DPP4: variants seen among roughly 807,000 people sequenced by gnomAD.
DPP4 encodes the protein ADCP-2.
In DPP4, 93 loss-of-function variants were observed where a neutral mutation model predicts 122.4. That is an observed-to-expected ratio of 0.76 (90% CI 0.64 to 0.90). The LOEUF (loss-of-function observed/expected upper bound fraction) is 0.90. Among genes scored for constraint, DPP4 ranks in the 40% least tolerant of loss-of-function variants. The pLI is 0.00. For synonymous variants in DPP4, 321 were observed against 302.9 expected, an observed-to-expected ratio of 1.06 and a Z score of -0.62; for missense variants, 914 against 907.3, an observed-to-expected ratio of 1.01 and a Z score of -0.09.
intron 18 of DPP4, among the ~76,000 whole-genome samples, chr2:162,016,021 C>T (rs1682908791): frequency 6.6e-6 from 1 of 152,124 alleles, no homozygotes; most frequent in African/African-American, 2.4e-5. Context: ...TTGAGTAGCA[C>T]TGATGTAAAC....
At chr2:162,029,516 C>T (rs762392593) in intron 10 of DPP4, among the ~76,000 whole-genome samples, 2 of 152,196 alleles carry the variant, frequency 1.3e-5, no homozygotes, top group Non-Finnish European at 1.5e-5. Flanking sequence ...CTGCAGCACC[C>T]GTACACCCGC....
chr2:162,006,017 T>C (rs1701275548), intron 22 of DPP4, among the ~76,000 whole-genome samples: 1 of 152,168 alleles, frequency 6.6e-6, no homozygotes, highest in African/African-American at 2.4e-5. Flanking sequence ...GGTTTGCTAA[T>C]ATAGCCAGAG....
At chr2:162,068,142 C>T (rs1685009085) in intron 2 of DPP4, among the ~76,000 whole-genome samples, 1 of 152,158 alleles carries the variant, frequency 6.6e-6, no homozygotes. Flanking sequence ...CGAAACCATT[C>T]AAAAGCTTGA....
intron 1 of DPP4, 96 bp downstream of exon 1, chr2:162,073,880 C>T (rs1428235145): frequency 1.3e-6 from 2 of 1,537,868 alleles, no homozygotes; most frequent in African/African-American, 1.4e-5. Context: ...TAAGGGGAGT[C>T]CCTGGTCCGG....
intron 5 of DPP4, among the ~76,000 whole-genome samples, chr2:162,044,828 G>A (rs1684117220): frequency 6.6e-6 from 1 of 152,162 alleles, no homozygotes; most frequent in Admixed American, 6.5e-5. Context: ...TTTACGATCT[G>A]TGGTGAGGCT....
chr2:161,992,907 C>A lies in DPP4; in HGVS notation c.*376G>T. The A allele has an allele frequency of 4.7e-6, 1 of 213,438 alleles. No homozygotes were observed. Among genetic ancestry groups the A allele is most frequent in the Non-Finnish European group, 9.6e-6 (1 of 104,166 alleles). 13.2% of individuals were successfully genotyped at this position (213,438 alleles called of 1,614,324 possible). On this transcript the variant is annotated 3_prime_UTR_variant, in exon 26 of 26. Transcript: ENST00000360534. ...GCCCTAGTGACATCACTGCCCACAT[C>A]TTGCCATCCCTTTAAAGAAGAGAAC...
At chr2:162,012,064 T>C in intron 19 of DPP4, 77 bp from the exon 20 acceptor site, 2 of 1,369,050 alleles carry the variant, frequency 1.5e-6, no homozygotes, top group Non-Finnish European at 2.0e-6. Context: ...CTCTTCTCCG[T>C]GGAGAAGTAT....
intron 2 of DPP4, among the ~76,000 whole-genome samples, chr2:162,059,971 C>T (rs1684707704): frequency 6.6e-6 from 1 of 152,204 alleles, no homozygotes. Context: ...TTCTTATGCT[C>T]ATTCCCATTT....
rs575519277 is a variant in DPP4, at chr2:162,060,929, G to A, written c.94+12470C>T. Among the ~76,000 whole-genome samples the A allele has an allele frequency of 1.1e-4, 10 of 89,404 alleles. No homozygotes were observed. In the Middle Eastern group the frequency reaches 0.037, roughly 327 times the overall value. The allele number at this position is 89,404 out of a possible 152,430, so 58.7% of individuals were successfully genotyped here. ...CCTCCCTCCCTCCCTAGCTTCCTTC[G>A]TTCCTAGCTTCCTTCCTTCCTAGCC... On this transcript the variant is annotated intron_variant, in intron 2 of 25. Coordinates refer to ENST00000360534, the MANE Select transcript of DPP4 (RefSeq NM_001935.4).
chr2:162,003,872 G>A (rs1701215352), intron 23 of DPP4, among the ~76,000 whole-genome samples: 1 of 152,166 alleles, frequency 6.6e-6, no homozygotes, highest in South Asian at 2.1e-4. Context: ...CAGTACTGAA[G>A]AGGGGAAAAT....
intron 12 of DPP4, chr2:162,021,508 C>A (rs1421953313): frequency 6.6e-6 from 1 of 152,162 alleles, no homozygotes; most frequent in Non-Finnish European, 1.5e-5. Flanking sequence ...GTTCACTTCG[C>A]CCTCGATGTT....
chr2:162,043,452 G>A (rs972654352), intron 5 of DPP4, among the ~76,000 whole-genome samples: 4 of 152,126 alleles, frequency 2.6e-5, no homozygotes, highest in African/African-American at 9.7e-5. Flanking sequence ...GGGGGAAGGG[G>A]ACAGAGTGAA....
chr2:162,025,055 G>T (rs1421292454), intron 10 of DPP4, 116 bp from the exon 11 acceptor site: 6 of 1,152,558 alleles, frequency 5.2e-6, no homozygotes, highest in Non-Finnish European at 7.2e-6. Context: ...ATGGGAAGTA[G>T]AATTATAAAT....
At chr2:162,031,212 C>G (rs1194799942) in intron 10 of DPP4, among the ~76,000 whole-genome samples, 1 of 152,218 alleles carries the variant, frequency 6.6e-6, no homozygotes, top group Non-Finnish European at 1.5e-5. Flanking sequence ...CCTCTCTGAG[C>G]CTCGGTTCTC....
intron 23 of DPP4, 51 bp from the exon 24 acceptor site, chr2:161,995,423 C>G: frequency 6.5e-7 from 1 of 1,529,442 alleles, no homozygotes; most frequent in Non-Finnish European, 9.0e-7. Flanking sequence ...CTGCCATAAA[C>G]TGATTTTTCA....
intron 15 of DPP4, 78 bp downstream of exon 15, chr2:162,019,145 G>C: frequency 7.6e-7 from 1 of 1,321,260 alleles, no homozygotes; most frequent in Non-Finnish European, 1.1e-6. Context: ...GTTAGGACAA[G>C]GCAAAAAATA....
intron 5 of DPP4, among the ~76,000 whole-genome samples, chr2:162,045,172 A>G (rs759295291): frequency 7.2e-5 from 11 of 152,118 alleles, no homozygotes; most frequent in Non-Finnish European, 1.3e-4. Context: ...CTTACTATAC[A>G]TAAAGCTGTG....
At chr2:162,009,204 T>C (rs1248995417) in intron 21 of DPP4, 37 bp downstream of exon 21, 4 of 1,604,172 alleles carry the variant, frequency 2.5e-6, no homozygotes, top group Non-Finnish European at 3.4e-6. Context: ...TGATATTCAC[T>C]AACGAATGCA....
At chr2:162,033,424 G>A in intron 10 of DPP4, 117 bp downstream of exon 10, 1 of 657,210 alleles carries the variant, frequency 1.5e-6, no homozygotes, top group South Asian at 2.1e-5. Flanking sequence ...ATGAATGACT[G>A]TCAGCGGGGA....
Sources: gnomAD v4.1 joint callset for allele counts (sites outside exome capture counted in the v4.1 genomes callset) on GRCh38, gnomAD v4.1.1 for gene constraint, MANE v1.5 for transcripts, NCBI Gene and HGNC (gene_info 2026-07-23, HGNC 2026-07-21) for gene names.